Variants in CEBPZ observed in about 807,000 individuals in gnomAD.
CEBPZ encodes CCAAT enhancer binding protein zeta.
A neutral mutation model predicts 104.5 loss-of-function variants in CEBPZ; 78 were observed. That is an observed-to-expected ratio of 0.75 (90% CI 0.62 to 0.90). The LOEUF is 0.90. CEBPZ is among the 40% of genes least tolerant of loss of function. The pLI, the probability that CEBPZ is intolerant of heterozygous loss-of-function variation, is 0.00. For missense variants in CEBPZ, 1,439 were observed against 1,233.5 expected, an observed-to-expected ratio of 1.17 and a Z score of -2.50; for synonymous variants, 470 against 427.0, an observed-to-expected ratio of 1.10 and a Z score of -1.24.
chr2:37,211,189 T>C, intron 12 of CEBPZ, 107 bp from the exon 13 acceptor site: 3 of 628,882 alleles, frequency 4.8e-6, no homozygotes, highest in Non-Finnish European at 8.0e-6. Context: ...GGCACTATAC[T>C]GCTATTCCAT....
In CEBPZ at chr2:37,201,838, T is replaced by C. The variant is rs529780926; in HGVS notation, c.3091A>G (p.Ile1031Val). 5 of 1,611,582 alleles carry C rather than the reference T, an allele frequency of 3.1e-6. No homozygotes were observed. In the East Asian group the frequency reaches 8.9e-5, roughly 29 times the overall value. ...TTAAAATGTTTCTTTTTCTTGATGATACTTTTTGCATCTCTGTTGTGTAGC... is the reference window on the plus strand; with the variant it reads ...TTAAAATGTTTCTTTTTCTTGATGACACTTTTTGCATCTCTGTTGTGTAGC... ...DWLHNRDAKS[I>V]IKKKKHFKKK... The change falls in exon 16 of 16, where the codon ATC becomes GTC. Residue 1031 changes from isoleucine (I) to valine (V), a missense_variant. Physicochemically the swap from Ile to Val is conservative, Grantham distance 29. Coordinates refer to ENST00000234170, the MANE Select transcript of CEBPZ (RefSeq NM_005760.3).
rs529706957 is a variant in CEBPZ at position 37,202,826 on chromosome 2, C to G, written c.2983G>C (p.Asp995His). The G allele has an allele frequency of 6.2e-7, 1 of 1,600,168 alleles. No homozygotes were observed. Among genetic ancestry groups the G allele is most frequent in the African/African-American group, 1.3e-5 (1 of 74,428 alleles). The change falls in exon 15 of 16, where the codon GAT (aspartate) becomes CAT (histidine). Residue 995 changes from aspartate to histidine, a missense_variant. Physicochemically the swap from Asp to His is moderately conservative, Grantham distance 81. Coordinates refer to ENST00000234170, the MANE Select transcript of CEBPZ (RefSeq NM_005760.3). ...LLDENMGSKF[D>H]NIGMNAMANK... Reference sequence around the variant, plus strand: ...GCCATGGCATTCATGCCAATGTTATCAAACTTGGATCCCATATTTTCATCC... The same window carrying G: ...GCCATGGCATTCATGCCAATGTTATGAAACTTGGATCCCATATTTTCATCC...
At position 37,228,139 on chromosome 2, in the gene CEBPZ, T is replaced by G; in HGVS notation, c.1054A>C (p.Thr352Pro). The change falls in exon 2 of 16, where the codon ACT becomes CCT. Residue 352 changes from threonine (T) to proline (P), a missense_variant. Physicochemically the swap from Thr to Pro is conservative, Grantham distance 38 (BLOSUM62 -1). Transcript: ENST00000234170. ...LVAEFVQVLETLSHDTLVTTK... is the reference protein window; with the variant it reads ...LVAEFVQVLEPLSHDTLVTTK... Reference sequence around the variant, plus strand: ...GTTACTAATGTATCATGACTTAAAGTTTCTAAGACCTGCACAAATTCAGCC... The same window carrying G: ...GTTACTAATGTATCATGACTTAAAGGTTCTAAGACCTGCACAAATTCAGCC... The G allele has an allele frequency of 1.9e-6, 3 of 1,614,176 alleles. No homozygotes were observed. The highest frequency in any genetic ancestry group is 2.5e-6 in the Non-Finnish European group (3 of 1,180,026).
chr2:37,227,756 T>G lies in CEBPZ; in HGVS notation c.1437A>C (p.Glu479Asp). 1 of 1,613,920 alleles carries G rather than the reference T, an allele frequency of 6.2e-7. No homozygotes were observed. The highest frequency in any genetic ancestry group is 8.5e-7 in the Non-Finnish European group (1 of 1,179,974). ...TTAAAAGGGCGCTAAGCATTTTTGA[T>G]TCAACATCTTTTTTTTTGACACAAG... ...FRTCVKKKDV[E>D]SKMLSALLTG... The change falls in exon 2 of 16, where the codon GAA (glutamate) becomes GAC (aspartate). Residue 479 changes from glutamate (E) to aspartate (D), a missense_variant. Transcript: ENST00000234170.
intron 13 of CEBPZ, among the ~76,000 whole-genome samples, chr2:37,205,312 G>C (rs1446630192): frequency 6.6e-6 from 1 of 152,078 alleles, no homozygotes; most frequent in African/African-American, 2.4e-5. Flanking sequence ...CTTAACTGAT[G>C]ACATTCCACC....
chr2:37,223,432 T>C lies in CEBPZ; in HGVS notation c.1650-31A>G, dbSNP rs371492682. On this transcript the variant is annotated intron_variant, in intron 2 of 15. Coordinates refer to ENST00000234170, the MANE Select transcript of CEBPZ (RefSeq NM_005760.3). ...AAACAAAACCAAGGTCAAATATTTA[T>C]GTATAAAACCATCTCCACAACCAAT... The C allele has an allele frequency of 1.3e-5, 21 of 1,575,400 alleles. No individual in the cohort carries two copies. The African/African-American group carries it at 2.2e-4, about 16-fold the overall frequency.
At position 37,216,370 on chromosome 2, in the gene CEBPZ, T is replaced by C; in HGVS notation, c.2257A>G (p.Met753Val). The change falls in exon 7 of 16, where the codon ATG becomes GTG. Residue 753 changes from methionine to valine, a missense_variant. Transcript: ENST00000234170. ...SGDPLQDFTL[M>V]RFLDRFVYRN... ...TATACAAATCGATCCAAAAATCTCA[T>C]TAGAGTGAAATCCTGCAGTGGGTCC... 6.2e-7 allele frequency: 1 copy of C among 1,613,888 alleles called. No homozygotes were observed. The highest frequency in any genetic ancestry group is 8.5e-7 in the Non-Finnish European group (1 of 1,179,904).
At chr2:37,201,963 C>T in intron 15 of CEBPZ, 60 bp from the exon 16 acceptor site, 2 of 1,514,160 alleles carry the variant, frequency 1.3e-6, no homozygotes, top group South Asian at 2.5e-5. Flanking sequence ...GGTGGTCCCA[C>T]AGAACATGCT....
At chr2:37,210,933 C>G in intron 13 of CEBPZ, 66 bp downstream of exon 13, 1 of 1,183,046 alleles carries the variant, frequency 8.5e-7, no homozygotes, top group Non-Finnish European at 1.2e-6. Context: ...AGTTCATTTC[C>G]CAAAATGATA....
At chr2:37,218,850 T>A (rs956115740) in intron 5 of CEBPZ, among the ~76,000 whole-genome samples, 6 of 152,208 alleles carry the variant, frequency 3.9e-5, no homozygotes, top group Admixed American at 2.0e-4. Flanking sequence ...CCAGTATGGG[T>A]GACAGAACCT....
In CEBPZ at chr2:37,213,925, T is replaced by C; in HGVS notation, c.2484A>G (p.Lys828=). 1.3e-6 allele frequency: 2 copies of C among 1,591,054 alleles called. No homozygotes were observed. Among genetic ancestry groups the C allele is most frequent in the East Asian group, 2.3e-5 (1 of 44,210 alleles). ...CTATACTTTCTTCATCTGCATCCCGTTTTTGTTTCTCTTTAACAGCAACTT... is the reference window on the plus strand; with the variant it reads ...CTATACTTTCTTCATCTGCATCCCGCTTTTGTTTCTCTTTAACAGCAACTT... ...YKKVAVKEKQ[K]RDADEESIED... The change falls in exon 10 of 16, where the codon AAA becomes AAG. Residue 828 remains lysine (K), a synonymous_variant. Transcript: ENST00000234170.
chr2:37,210,994 C>G lies in CEBPZ; in HGVS notation c.2884+5G>C. 6.3e-7 allele frequency: 1 copy of G among 1,593,668 alleles called. No individual in the cohort carries two copies. The highest frequency in any genetic ancestry group is 2.3e-5 in the East Asian group (1 of 44,128). On this transcript the variant is annotated splice_donor_5th_base_variant and intron_variant, in intron 13 of 15. Transcript: ENST00000234170. ...TTTTAAAAGATATTAAATGTATTTT[C>G]TTACCTTGAAATGAGCCAGCAAAGT...
At chr2:37,209,574 T>C (rs1034854331) in intron 13 of CEBPZ, 1 of 152,190 alleles carries the variant, frequency 6.6e-6, no homozygotes, top group Non-Finnish European at 1.5e-5. Context: ...GGTGCTGGGA[T>C]AACTGGCAAG....
chr2:37,207,556 T>C (rs1385853455), intron 13 of CEBPZ, among the ~76,000 whole-genome samples: 1 of 152,206 alleles, frequency 6.6e-6, no homozygotes, highest in Non-Finnish European at 1.5e-5. Flanking sequence ...TTGAATGATC[T>C]TTGTGTCAAC....
In CEBPZ at chr2:37,223,355, A is replaced by T; in HGVS notation, c.1696T>A (p.Phe566Ile). 6.2e-7 allele frequency: 1 copy of T among 1,614,192 alleles called. No homozygotes were observed. ...AGAGATTTGTAGACAAGGTTAAGAAACATAGCTTGCTTGGAACACGTCATC... is the reference window on the plus strand; with the variant it reads ...AGAGATTTGTAGACAAGGTTAAGAATCATAGCTTGCTTGGAACACGTCATC... Reference protein sequence around the residue: ...GLMTCSKQAMFLNLVYKSLKA... With the variant: ...GLMTCSKQAMILNLVYKSLKA... The change falls in exon 3 of 16, where the codon TTT becomes ATT. Residue 566 changes from phenylalanine to isoleucine, a missense_variant. Transcript: ENST00000234170.
Position 37,226,244 on chromosome 2 carries a change from C to G in CEBPZ, c.1649+1300G>C, listed in dbSNP as rs140121699. Among the ~76,000 whole-genome samples, 75 of 152,076 alleles carry G rather than the reference C, an allele frequency of 4.9e-4. No individual in the cohort carries two copies. In the South Asian group the frequency reaches 0.014, roughly 29 times the overall value. On this transcript the variant is annotated intron_variant, in intron 2 of 15. Coordinates refer to ENST00000234170, the MANE Select transcript of CEBPZ (RefSeq NM_005760.3). The stretch of plus-strand genomic sequence containing the variant: ...TTTCCAAATCTCTCGTCCCACCTTA[C>G]GAGAAACACCCACAGGTGTGTAGGG...
chr2:37,220,258 A>C (rs2148357631), intron 5 of CEBPZ, 127 bp downstream of exon 5: 1 of 261,466 alleles, frequency 3.8e-6, no homozygotes, highest in Admixed American at 5.5e-5. Flanking sequence ...CGGACGTTAC[A>C]GTGAGCCACA....
chr2:37,231,335 A>G (rs1572514619), intron 1 of CEBPZ, 77 bp downstream of exon 1: 1 of 1,565,934 alleles, frequency 6.4e-7, no homozygotes, highest in Non-Finnish European at 8.7e-7. Context: ...GCAGCGCGGA[A>G]GCGGCGGGGC....
intron 1 of CEBPZ, chr2:37,231,173 C>G (rs1027869369): frequency 1.5e-6 from 1 of 686,580 alleles, no homozygotes; most frequent in Non-Finnish European, 2.7e-6. Flanking sequence ...TCAATAAAAT[C>G]AGAAGATCGC....
Sources: gnomAD v4.1 joint callset for allele counts (sites outside exome capture counted in the v4.1 genomes callset) on GRCh38, gnomAD v4.1.1 for gene constraint, MANE v1.5 for transcripts, NCBI Gene and HGNC (gene_info 2026-07-23, HGNC 2026-07-21) for gene names.